Variants in VPS41 observed in about 807,000 individuals in gnomAD.
VPS41 encodes the protein VPS41 subunit of HOPS complex.
A neutral mutation model predicts 130.9 loss-of-function variants in VPS41; 85 were observed. That is an observed-to-expected ratio of 0.65 (90% CI 0.55 to 0.78). VPS41 has a LOEUF of 0.78. Ranked by LOEUF, VPS41 falls within the 30% of genes least tolerant of loss-of-function variation. The pLI, the probability that VPS41 is intolerant of heterozygous loss-of-function variation, is 0.00. For missense variants in VPS41, 874 were observed against 1,018.7 expected, an observed-to-expected ratio of 0.86 and a Z score of 1.93; for synonymous variants, 335 against 332.9, an observed-to-expected ratio of 1.01 and a Z score of -0.07.
intron 11 of VPS41, chr7:38,775,071 T>G (rs1329724340): frequency 6.6e-6 from 1 of 152,062 alleles, no homozygotes; most frequent in Admixed American, 6.6e-5. Context: ...GTGAAAGGTA[T>G]CACGTGGATA....
At chr7:38,872,784 A>C (rs1160532694) in intron 2 of VPS41, among the ~76,000 whole-genome samples, 1 of 152,224 alleles carries the variant, frequency 6.6e-6, no homozygotes, top group African/African-American at 2.4e-5. Flanking sequence ...AAACTGCAAA[A>C]AACAACAGAC....
At chr7:38,822,635 C>A (rs1785196875) in intron 5 of VPS41, among the ~76,000 whole-genome samples, 1 of 152,220 alleles carries the variant, frequency 6.6e-6, no homozygotes, top group Admixed American at 6.5e-5. Context: ...CTGCTAAGAA[C>A]ATGCTTTGCA....
intron 25 of VPS41, among the ~76,000 whole-genome samples, chr7:38,734,304 G>C (rs1795723752): frequency 6.6e-6 from 1 of 152,042 alleles, no homozygotes; most frequent in Non-Finnish European, 1.5e-5. Flanking sequence ...CCTACTCCAG[G>C]ATTCTTGTTT....
At chr7:38,804,983 C>T (rs1255001115) in intron 7 of VPS41, among the ~76,000 whole-genome samples, 1 of 152,202 alleles carries the variant, frequency 6.6e-6, no homozygotes, top group Non-Finnish European at 1.5e-5. Flanking sequence ...GGGCTGGGCC[C>T]AAGGTCAAAC....
At chr7:38,764,898 C>T (rs866093522) in intron 16 of VPS41, among the ~76,000 whole-genome samples, 4 of 151,970 alleles carry the variant, frequency 2.6e-5, no homozygotes, top group African/African-American at 7.3e-5. Context: ...CAGGGAGGCA[C>T]GACTGGATAA....
intron 4 of VPS41, among the ~76,000 whole-genome samples, chr7:38,845,295 T>G (rs1160808525): frequency 6.6e-6 from 1 of 152,240 alleles, no homozygotes; most frequent in Non-Finnish European, 1.5e-5. Context: ...AAATCATCTC[T>G]TTTATTCTCA....
At chr7:38,842,675 T>C (rs1465718970) in intron 4 of VPS41, among the ~76,000 whole-genome samples, 1 of 152,230 alleles carries the variant, frequency 6.6e-6, no homozygotes, top group African/African-American at 2.4e-5. Flanking sequence ...TTTAACTCTA[T>C]ATATTTGGCT....
chr7:38,777,065 T>A (rs1056143508), intron 10 of VPS41, among the ~76,000 whole-genome samples: 1 of 152,192 alleles, frequency 6.6e-6, no homozygotes, highest in Non-Finnish European at 1.5e-5. Flanking sequence ...TTAGGTAGTT[T>A]AAAATGACAT....
rs80065387 is a variant in VPS41 at position 38,896,735 on chromosome 7, C to T, written c.60+1356G>A. Reference sequence around the variant, plus strand: ...GCAACAAAATTCACATAAGCTTATGCAGTATCAACCCAAATGTAATAGATT... The same window carrying T: ...GCAACAAAATTCACATAAGCTTATGTAGTATCAACCCAAATGTAATAGATT... On this transcript the variant is annotated intron_variant, in intron 2 of 28. Transcript: ENST00000310301. Among the ~76,000 whole-genome samples the T allele has an allele frequency of 2.1e-3, 323 of 152,294 alleles. 10 individuals carry two copies. In the East Asian group the frequency reaches 0.053, roughly 25 times the overall value.
chr7:38,750,708 G>A (rs899881269), intron 22 of VPS41, among the ~76,000 whole-genome samples: 9 of 152,104 alleles, frequency 5.9e-5, no homozygotes, highest in African/African-American at 1.9e-4. Context: ...TACTAGACCC[G>A]AAAACTTTAA....
chr7:38,862,780 TG>T (rs886957586), intron 3 of VPS41, among the ~76,000 whole-genome samples, 158 bp from the exon 4 acceptor site: 1 of 152,168 alleles, frequency 6.6e-6, no homozygotes, highest in Non-Finnish European at 1.5e-5. Flanking sequence ...TTCCAGCTTC[TG>T]GGAAATAACA....
At chr7:38,856,845 T>C (rs1160536973) in intron 4 of VPS41, among the ~76,000 whole-genome samples, 2 of 151,994 alleles carry the variant, frequency 1.3e-5, no homozygotes, top group Admixed American at 6.6e-5. Flanking sequence ...AAAGAAGTCA[T>C]CAAAAGCTTA....
At chr7:38,816,726 G>C (rs1310804064) in intron 7 of VPS41, among the ~76,000 whole-genome samples, 2 of 152,078 alleles carry the variant, frequency 1.3e-5, no homozygotes, top group Non-Finnish European at 2.9e-5. Flanking sequence ...GTTAATATAT[G>C]AAAGTTTTTC....
intron 17 of VPS41, among the ~76,000 whole-genome samples, chr7:38,760,529 G>C (rs1783887990): frequency 6.6e-6 from 1 of 152,036 alleles, no homozygotes. Flanking sequence ...ACTGGAATGT[G>C]ACCAAGTGCC....
chr7:38,877,519 T>C (rs1349523316), intron 2 of VPS41, among the ~76,000 whole-genome samples: 1 of 152,186 alleles, frequency 6.6e-6, no homozygotes, highest in African/African-American at 2.4e-5. Context: ...TTATTTCTAA[T>C]AAATTTATGT....
rs532221472 is a variant in VPS41 at position 38,750,406 on chromosome 7, T to C, written c.1926+1770A>G. ...AATATGGATTACTACTTGATTATCT[T>C]ATAATGGTCTGTTTCACCATTACCA... On this transcript the variant is annotated intron_variant, in intron 22 of 28. Transcript: ENST00000310301. Among the ~76,000 whole-genome samples, 26 of 152,348 alleles carry C rather than the reference T, an allele frequency of 1.7e-4. No homozygotes were observed. In the East Asian group the frequency reaches 5.0e-3, roughly 29 times the overall value.
intron 10 of VPS41, among the ~76,000 whole-genome samples, chr7:38,786,217 G>A (rs1784434249): frequency 6.6e-6 from 1 of 152,166 alleles, no homozygotes; most frequent in Admixed American, 6.5e-5. Flanking sequence ...AAACTGCCTT[G>A]TTTATGAATA....
intron 4 of VPS41, among the ~76,000 whole-genome samples, chr7:38,851,375 T>G (rs1785850553): frequency 6.6e-6 from 1 of 152,218 alleles, no homozygotes. Context: ...TGACTACAGA[T>G]TTGTTTGCAT....
chr7:38,908,152 T>C (rs1374544661), intron 1 of VPS41, among the ~76,000 whole-genome samples: 1 of 152,222 alleles, frequency 6.6e-6, no homozygotes, highest in African/African-American at 2.4e-5. Context: ...ACTCTTATGA[T>C]ACTAAACAGC....
Sources: gnomAD v4.1 joint callset for allele counts (sites outside exome capture counted in the v4.1 genomes callset) on GRCh38, gnomAD v4.1.1 for gene constraint, MANE v1.5 for transcripts, NCBI Gene and HGNC (gene_info 2026-07-23, HGNC 2026-07-21) for gene names.